The following ALDH2 variants were observed in gnomAD, a reference collection of about 807,000 sequenced individuals.
ALDH2 encodes the protein aldehyde dehydrogenase 2 family member, also known as aldehyde dehydrogenase, mitochondrial.
ALDH2 carries 44 observed loss-of-function variants against 59.6 expected under a neutral mutation model. The observed-to-expected ratio is 0.74, with a 90% CI of 0.58 to 0.95. The LOEUF (loss-of-function observed/expected upper bound fraction) is 0.95. Among genes scored for constraint, ALDH2 ranks in the 40% least tolerant of loss-of-function variants. The pLI, the probability that ALDH2 is intolerant of heterozygous loss-of-function variation, is 0.00. For missense variants in ALDH2, 570 were observed against 696.3 expected (o/e 0.82, Z 2.04); for synonymous variants, 291 against 284.0 (o/e 1.02, Z -0.25).
chr12:111,772,638 G>C (rs913004048), intron 1 of ALDH2, among the ~76,000 whole-genome samples: 3 of 150,996 alleles, frequency 2.0e-5, no homozygotes, highest in Admixed American at 6.6e-5. Flanking sequence ...TGGGATTACA[G>C]GCGTGAGCCA....
intron 9 of ALDH2, among the ~76,000 whole-genome samples, chr12:111,797,066 T>C (rs1250472854): frequency 6.6e-6 from 1 of 151,914 alleles, no homozygotes; most frequent in Non-Finnish European, 1.5e-5. Flanking sequence ...TTCAAGCGAT[T>C]CTCCTGCCTC....
intron 11 of ALDH2, among the ~76,000 whole-genome samples, chr12:111,800,980 T>G (rs1346824017): frequency 6.6e-6 from 1 of 152,238 alleles, no homozygotes; most frequent in African/African-American, 2.4e-5. Flanking sequence ...GAAATGTGGC[T>G]CAGCCACAGA....
intron 1 of ALDH2, among the ~76,000 whole-genome samples, chr12:111,772,626 G>T (rs1345717699): frequency 6.7e-6 from 1 of 150,076 alleles, no homozygotes; most frequent in African/African-American, 2.5e-5. Context: ...CTCCCAAAGT[G>T]CTGGGATTAC....
At chr12:111,778,402 G>A (rs532379448) in intron 1 of ALDH2, among the ~76,000 whole-genome samples, 6 of 151,818 alleles carry the variant, frequency 4.0e-5, no homozygotes, top group East Asian at 3.9e-4. Context: ...AAAATTAGCC[G>A]GGCATGGTGG....
rs760059304 is a variant in ALDH2 at position 111,812,311 on chromosome 12, G to C, written c.*2736G>C. ...CATATATAATCATGTCTGTGATCTA[G>C]ATCTAGTATAACTCTTGTTGTTTTA... is the stretch of plus-strand genomic sequence containing the variant. On this transcript the variant is annotated 3_prime_UTR_variant, in exon 13 of 13. Transcript: ENST00000261733. 1.3e-5 allele frequency: 2 copies of C among 152,086 alleles called. No homozygotes were observed. The highest frequency in any genetic ancestry group is 2.9e-5 in the Non-Finnish European group (2 of 68,042). The allele number at this position is 152,086 out of a possible 1,614,324, so 9.4% of individuals were successfully genotyped here. A position where few individuals can be genotyped will look rare whatever the true frequency, so the allele number is the denominator to read the frequency against.
chr12:111,799,687 T>G, intron 10 of ALDH2: 1 of 458,028 alleles, frequency 2.2e-6, no homozygotes, highest in Non-Finnish European at 3.9e-6. Context: ...AATGGGATAC[T>G]GTATGTAAAG....
At chr12:111,784,394 T>C (rs1359483006) in intron 3 of ALDH2, among the ~76,000 whole-genome samples, 1 of 152,252 alleles carries the variant, frequency 6.6e-6, no homozygotes, top group Non-Finnish European at 1.5e-5. Flanking sequence ...CATGTGCTCC[T>C]GAGCCTGGGC....
At position 111,815,777 on chromosome 12, in the gene ALDH2, A is replaced by ATT. The variant is rs1566200931; in HGVS notation, c.*6203_*6204insTT. On this transcript the variant is annotated 3_prime_UTR_variant, in exon 13 of 13. Transcript: ENST00000261733. The stretch of plus-strand genomic sequence containing the variant: ...GGCGTGCACTACCATGCATATATAT[A>ATT]TATATTTTTTTTTTTTTTTGAGAGA... The ATT allele has an allele frequency of 7.8e-6, 1 of 128,092 alleles. No individual in the cohort carries two copies. The highest frequency in any genetic ancestry group is 4.1e-4 in the East Asian group (1 of 2,450). 7.9% of individuals were successfully genotyped at this position (128,092 alleles called of 1,614,324 possible).
At chr12:111,782,852 C>T (rs1047962933) in intron 2 of ALDH2, among the ~76,000 whole-genome samples, 4 of 151,886 alleles carry the variant, frequency 2.6e-5, no homozygotes, top group Non-Finnish European at 5.9e-5. Flanking sequence ...CCACTATACT[C>T]CAGCCTGGGC....
chr12:111,789,008 CTTTCT>C (rs2068334349), intron 4 of ALDH2, among the ~76,000 whole-genome samples: 1 of 144,902 alleles, frequency 6.9e-6, no homozygotes, highest in East Asian at 2.1e-4. Context: ...CTGTTTCTTT[CTTTCT>C]TTTCTTTTTT....
chr12:111,767,010 C>T lies in ALDH2; in HGVS notation c.28C>T (p.Pro10Ser). MLRAAARFG[P>S]RLGRRLLSAA... ...GTTGCGCGCTGCCGCCCGCTTCGGG[C>T]CCCGCCTGGGCCGCCGCCTCTTGTC... The change falls in exon 1 of 13, where the codon CCC (proline) becomes TCC (serine). Residue 10 changes from proline to serine, a missense_variant. Coordinates refer to ENST00000261733, the MANE Select transcript of ALDH2 (RefSeq NM_000690.4). 1 of 1,523,922 alleles carries T rather than the reference C, an allele frequency of 6.6e-7. No homozygotes were observed. The highest frequency in any genetic ancestry group is 1.2e-5 in the South Asian group (1 of 82,952). 94.4% of individuals were successfully genotyped at this position (1,523,922 alleles called of 1,614,324 possible).
rs377514734 is a variant in ALDH2 at position 111,774,070 on chromosome 12, G to C, written c.114+6974G>C. 7.2e-5 allele frequency among the ~76,000 whole-genome samples: 11 copies of C among 152,320 alleles called. No homozygotes were observed. The East Asian group carries it at 2.1e-3, about 29-fold the overall frequency. ...GCAGCAAGATAGAGGTTGCCAAACC[G>C]TAAGCAGAACAAGTTGAAACCGCGC... is the stretch of plus-strand genomic sequence containing the variant. On this transcript the variant is annotated intron_variant, in intron 1 of 12. Coordinates refer to ENST00000261733, the MANE Select transcript of ALDH2 (RefSeq NM_000690.4).
chr12:111,772,195 C>T (rs2068204426), intron 1 of ALDH2, among the ~76,000 whole-genome samples: 1 of 152,140 alleles, frequency 6.6e-6, no homozygotes, highest in African/African-American at 2.4e-5. Context: ...ATGTGCCACC[C>T]CTGCAGATAA....
At chr12:111,797,614 C>CA (rs57375192) in intron 9 of ALDH2, among the ~76,000 whole-genome samples, 275 of 140,660 alleles carry the variant, frequency 2.0e-3, no homozygotes, top group South Asian at 3.4e-3. Context: ...AACAAAAATA[C>CA]AAAAAAAAAA....
In ALDH2 at chr12:111,811,128, G is replaced by C. The variant is rs1449462619; in HGVS notation, c.*1553G>C. Reference sequence around the variant, plus strand: ...AAGGTGGGTGGGTCACCTGAGGTTGGGAGTTCGAGACCAGCCTGACCAACA... The same window carrying C: ...AAGGTGGGTGGGTCACCTGAGGTTGCGAGTTCGAGACCAGCCTGACCAACA... On this transcript the variant is annotated 3_prime_UTR_variant, in exon 13 of 13. Transcript: ENST00000261733. The C allele has an allele frequency of 6.6e-6, 1 of 151,588 alleles. No individual in the cohort carries two copies. The highest frequency in any genetic ancestry group is 6.6e-5 in the Admixed American group (1 of 15,220). 9.4% of individuals were successfully genotyped at this position (151,588 alleles called of 1,614,324 possible).
chr12:111,812,352 T>A lies in ALDH2; in HGVS notation c.*2777T>A, dbSNP rs1013182646. 2.0e-5 allele frequency: 3 copies of A among 152,170 alleles called. No individual in the cohort carries two copies. The highest frequency in any genetic ancestry group is 6.6e-5 in the Admixed American group (1 of 15,264). 9.4% of individuals were successfully genotyped at this position (152,170 alleles called of 1,614,324 possible). A position where few individuals can be genotyped will look rare whatever the true frequency, so the allele number is the denominator to read the frequency against. ...TGTTGTTTTATATATTTTATTATAC[T>A]GGAACAGCTCGTGCCCTCGGTCTCT... On this transcript the variant is annotated 3_prime_UTR_variant, in exon 13 of 13. Coordinates refer to ENST00000261733, the MANE Select transcript of ALDH2 (RefSeq NM_000690.4).
In ALDH2 at chr12:111,792,674, C is replaced by T. The variant is rs1215144925; in HGVS notation, c.975C>T (p.Thr325=). 7.5e-6 allele frequency: 12 copies of T among 1,610,568 alleles called. No homozygotes were observed. Among genetic ancestry groups the T allele is most frequent in the Middle Eastern group, 1.6e-4 (1 of 6,078 alleles). ...AGTGCTGCTGTGCCGGCTCCCGGAC[C>T]TTCGTGCAGGAGGACATCTATGATG... The part of the protein sequence containing the change: ...QGQCCCAGSR[T]FVQEDIYDEF... The change falls in exon 9 of 13, where the codon ACC becomes ACT. Residue 325 remains threonine (T), a synonymous_variant. Coordinates refer to ENST00000261733, the MANE Select transcript of ALDH2 (RefSeq NM_000690.4).
chr12:111,771,019 A>G (rs191277979), intron 1 of ALDH2, among the ~76,000 whole-genome samples: 4 of 152,084 alleles, frequency 2.6e-5, no homozygotes, highest in East Asian at 2.0e-4. Context: ...GGCTCAAGCA[A>G]TCTTCCCTCC....
chr12:111,773,529 A>G (rs958737721), intron 1 of ALDH2, among the ~76,000 whole-genome samples: 2 of 152,180 alleles, frequency 1.3e-5, no homozygotes, highest in Non-Finnish European at 1.5e-5. Context: ...CCGCAACTCT[A>G]TAAGCCTGGT....
Sources: allele counts gnomAD v4.1 joint callset (sites outside exome capture counted in the v4.1 genomes callset), GRCh38; gene constraint gnomAD v4.1.1; transcripts MANE v1.5; gene names NCBI Gene and HGNC (gene_info 2026-07-23, HGNC 2026-07-21).